PIP4K2A: variants seen among roughly 807,000 people sequenced by gnomAD.
PIP4K2A encodes the protein phosphatidylinositol 5-phosphate 4-kinase type-2 alpha.
A neutral mutation model predicts 42.9 loss-of-function variants in PIP4K2A; 14 were observed. The ratio of observed to expected loss-of-function variants is 0.33; its 90% CI spans 0.22 to 0.51. The LOEUF (loss-of-function observed/expected upper bound fraction) is 0.51. Ranked by LOEUF, PIP4K2A falls within the 20% of genes least tolerant of loss-of-function variation. The pLI, the probability that PIP4K2A is intolerant of heterozygous loss-of-function variation, is 0.97. For missense variants in PIP4K2A, 434 were observed against 519.8 expected, an observed-to-expected ratio of 0.83 and a Z score of 1.61; for synonymous variants, 192 against 192.2, an observed-to-expected ratio of 1.00 and a Z score of 0.01.
intron 4 of PIP4K2A, among the ~76,000 whole-genome samples, chr10:22,579,802 G>A (rs145657373): frequency 0.013 from 1,932 of 149,360 alleles, 36 homozygotes; most frequent in Middle Eastern, 0.065. Context: ...CCAGCTACTC[G>A]GGAGGCTGAG....
chr10:22,713,394 C>T (rs1833949919), intron 1 of PIP4K2A, among the ~76,000 whole-genome samples: 1 of 151,954 alleles, frequency 6.6e-6, no homozygotes, highest in Non-Finnish European at 1.5e-5. Flanking sequence ...CTGCTGTCCC[C>T]GCCCCGGCCG....
At chr10:22,539,308 C>T (rs774542985) in intron 9 of PIP4K2A, among the ~76,000 whole-genome samples, 2 of 152,148 alleles carry the variant, frequency 1.3e-5, no homozygotes, top group African/African-American at 4.8e-5. Context: ...AGCAGGTACA[C>T]TACTATCTCT....
intron 1 of PIP4K2A, among the ~76,000 whole-genome samples, chr10:22,681,994 A>T (rs138709851): frequency 3.4e-4 from 51 of 151,830 alleles, no homozygotes; most frequent in African/African-American, 1.1e-3. Context: ...TTTTTAGAAA[A>T]CCATTTTTTT....
intron 1 of PIP4K2A, among the ~76,000 whole-genome samples, chr10:22,681,763 C>A (rs1839666649): frequency 6.6e-6 from 1 of 152,034 alleles, no homozygotes; most frequent in Non-Finnish European, 1.5e-5. Flanking sequence ...CAGCTACCAG[C>A]AATATTTTAC....
At chr10:22,590,313 T>C (rs1275869828) in intron 4 of PIP4K2A, among the ~76,000 whole-genome samples, 3 of 152,354 alleles carry the variant, frequency 2.0e-5, no homozygotes, top group Non-Finnish European at 4.4e-5. Flanking sequence ...GTTGTGAAGA[T>C]GATTCCTGGG....
intron 1 of PIP4K2A, among the ~76,000 whole-genome samples, chr10:22,657,598 A>G (rs1165528009): frequency 6.6e-6 from 1 of 152,248 alleles, no homozygotes; most frequent in Non-Finnish European, 1.5e-5. Context: ...GCTGAAACCA[A>G]TTTAGATTCT....
chr10:22,675,163 C>T (rs1839534288), intron 1 of PIP4K2A, among the ~76,000 whole-genome samples: 1 of 152,156 alleles, frequency 6.6e-6, no homozygotes, highest in South Asian at 2.1e-4. Context: ...TTGATTGGTA[C>T]ATTGACTAAA....
rs538278629 is a variant in PIP4K2A, at chr10:22,591,549, T to C, written c.492+80A>G. On this transcript the variant is annotated intron_variant, in intron 4 of 9. Coordinates refer to ENST00000376573, the MANE Select transcript of PIP4K2A (RefSeq NM_005028.5). ...GTTCTTCTTGTTCTCTAACTATATA[T>C]TTAAATCTCTGGCCTTGGTGAGAAA... 1.2e-5 allele frequency: 13 copies of C among 1,099,820 alleles called. No homozygotes were observed. In the African/African-American group the frequency reaches 1.9e-4, roughly 16 times the overall value. The allele number at this position is 1,099,820 out of a possible 1,614,324, so 68.1% of individuals were successfully genotyped here. A position where few individuals can be genotyped will look rare whatever the true frequency, so the allele number is the denominator to read the frequency against.
rs554162961 is a variant in PIP4K2A, at chr10:22,553,626, C to A, written c.679-2854G>T. 9.9e-5 allele frequency among the ~76,000 whole-genome samples: 15 copies of A among 152,208 alleles called. No homozygotes were observed. The East Asian group carries it at 2.7e-3, about 27-fold the overall frequency. ...GATGAGCTGAGATGGGAACCTTAATCATTCTGCTAAGGTAGAGTTGTGCTG... is the reference window on the plus strand; with the variant it reads ...GATGAGCTGAGATGGGAACCTTAATAATTCTGCTAAGGTAGAGTTGTGCTG... On this transcript the variant is annotated intron_variant, in intron 6 of 9. Transcript: ENST00000376573.
intron 6 of PIP4K2A, among the ~76,000 whole-genome samples, chr10:22,557,929 T>C (rs1037653161): frequency 6.6e-6 from 1 of 152,224 alleles, no homozygotes; most frequent in Admixed American, 6.5e-5. Flanking sequence ...CACTTGAGTG[T>C]CTAATGCAAA....
At chr10:22,555,882 G>T (rs533517402) in intron 6 of PIP4K2A, among the ~76,000 whole-genome samples, 31 of 134,934 alleles carry the variant, frequency 2.3e-4, no homozygotes, top group Non-Finnish European at 3.8e-4. Context: ...GAACACTAAT[G>T]AGAGCTGATG....
chr10:22,566,123 C>G (rs1836842552), intron 6 of PIP4K2A, among the ~76,000 whole-genome samples: 1 of 152,200 alleles, frequency 6.6e-6, no homozygotes, highest in South Asian at 2.1e-4. Context: ...ATGTCTGTTA[C>G]TCACACCTAT....
At position 22,664,078 on chromosome 10, in the gene PIP4K2A, T is replaced by TATATATATACAC. The variant is rs1564459824; in HGVS notation, c.144+50104_144+50105insGTGTATATATAT. On this transcript the variant is annotated intron_variant, in intron 1 of 9. Transcript: ENST00000376573. ...GTATATATACATATATATATATACG[T>TATATATATACAC]ATATATATATACATATATATATATA... Among the ~76,000 whole-genome samples the TATATATATACAC allele has an allele frequency of 4.5e-4, 30 of 66,360 alleles. 2 individuals carry two copies. Among genetic ancestry groups the TATATATATACAC allele is most frequent in the African/African-American group, 3.5e-3 (29 of 8,308 alleles). The allele number at this position is 66,360 out of a possible 152,430, so 43.5% of individuals were successfully genotyped here. A position where few individuals can be genotyped will look rare whatever the true frequency, so the allele number is the denominator to read the frequency against.
intron 1 of PIP4K2A, among the ~76,000 whole-genome samples, chr10:22,617,283 G>C (rs1488642022): frequency 6.6e-6 from 1 of 152,238 alleles, no homozygotes; most frequent in Non-Finnish European, 1.5e-5. Flanking sequence ...ATACTAAATA[G>C]CTACTGGACA....
chr10:22,703,034 G>A (rs1322127916), intron 1 of PIP4K2A, among the ~76,000 whole-genome samples: 1 of 152,146 alleles, frequency 6.6e-6, no homozygotes, highest in African/African-American at 2.4e-5. Flanking sequence ...CCTTAGCTTA[G>A]GAGGTCAGAG....
intron 4 of PIP4K2A, among the ~76,000 whole-genome samples, chr10:22,574,676 C>T (rs927426202): frequency 2.0e-5 from 3 of 152,088 alleles, no homozygotes; most frequent in African/African-American, 7.2e-5. Context: ...TCTTCCCTTT[C>T]TTTTTTCTTA....
intron 1 of PIP4K2A, among the ~76,000 whole-genome samples, chr10:22,639,547 G>A (rs1050090682): frequency 9.2e-5 from 14 of 151,606 alleles, no homozygotes; most frequent in Admixed American, 8.5e-4. Context: ...ATATACTCAA[G>A]AATACAAATT....
At chr10:22,628,206 T>G (rs1036597291) in intron 1 of PIP4K2A, among the ~76,000 whole-genome samples, 1 of 152,234 alleles carries the variant, frequency 6.6e-6, no homozygotes, top group African/African-American at 2.4e-5. Flanking sequence ...ACTAAAAGAT[T>G]ATTTTACTGG....
chr10:22,697,395 A>G (rs545525253), intron 1 of PIP4K2A, among the ~76,000 whole-genome samples: 1 of 152,318 alleles, frequency 6.6e-6, no homozygotes, highest in African/African-American at 2.4e-5. Context: ...CTACAGGACC[A>G]CAGTAGAGGG....
Sources: allele counts gnomAD v4.1 joint callset (sites outside exome capture counted in the v4.1 genomes callset), GRCh38; gene constraint gnomAD v4.1.1; transcripts MANE v1.5; gene names NCBI Gene and HGNC (gene_info 2026-07-23, HGNC 2026-07-21).